SFMBT2: variants seen among roughly 807,000 people sequenced by gnomAD.
SFMBT2 encodes scm-like with four MBT domains protein 2.
In SFMBT2, 38 loss-of-function variants were observed where a neutral mutation model predicts 110.1. The observed-to-expected ratio is 0.35, with a 90% CI of 0.27 to 0.45. The LOEUF (loss-of-function observed/expected upper bound fraction) is 0.45, where lower values mean the gene tolerates loss of function less well. Ranked by LOEUF, SFMBT2 falls within the 20% of genes least tolerant of loss-of-function variation. The probability of loss-of-function intolerance (pLI) is 1.00; values close to 1 mark genes in which losing one functional copy is unlikely to be tolerated. For missense variants in SFMBT2, 1,011 were observed against 1,094.9 expected (o/e 0.92, Z 1.08); for synonymous variants, 425 against 425.4 (o/e 1.00, Z 0.01).
At chr10:7,250,099 GCAAA>G (rs1408792302) in intron 7 of SFMBT2, among the ~76,000 whole-genome samples, 2 of 152,218 alleles carry the variant, frequency 1.3e-5, no homozygotes, top group Non-Finnish European at 2.9e-5. Context: ...TGTTTATGTT[GCAAA>G]CAAAGCCTTT....
At chr10:7,315,068 G>GAAAGAAAGAA (rs1842964448) in intron 4 of SFMBT2, among the ~76,000 whole-genome samples, 1 of 142,032 alleles carries the variant, frequency 7.0e-6, no homozygotes, top group Non-Finnish European at 1.6e-5. Flanking sequence ...AAGAAAGAAA[G>GAAAGAAAGAA]AAAGAAAGAA....
At chr10:7,261,195 T>C (rs1292614670) in intron 7 of SFMBT2, among the ~76,000 whole-genome samples, 1 of 152,226 alleles carries the variant, frequency 6.6e-6, no homozygotes, top group Non-Finnish European at 1.5e-5. Context: ...CTAGAAACGC[T>C]CACCAATTCA....
intron 9 of SFMBT2, among the ~76,000 whole-genome samples, chr10:7,236,340 C>A (rs1840253172): frequency 6.6e-6 from 1 of 151,876 alleles, no homozygotes; most frequent in Non-Finnish European, 1.5e-5. Context: ...CCAAAAATAA[C>A]CAAAAATTTT....
chr10:7,212,539 A>C (rs965558531), intron 11 of SFMBT2, among the ~76,000 whole-genome samples: 6 of 152,196 alleles, frequency 3.9e-5, no homozygotes, highest in Admixed American at 2.6e-4. Context: ...GGCAAATCTT[A>C]AAAGAAAAGT....
At chr10:7,333,711 C>T (rs1240057906) in intron 4 of SFMBT2, among the ~76,000 whole-genome samples, 1 of 151,346 alleles carries the variant, frequency 6.6e-6, no homozygotes, top group Non-Finnish European at 1.5e-5. Context: ...CCTACACGGC[C>T]TCCCCGCTTT....
intron 20 of SFMBT2, among the ~76,000 whole-genome samples, chr10:7,167,425 G>C (rs913665357): frequency 3.9e-5 from 6 of 152,182 alleles, no homozygotes; most frequent in African/African-American, 1.4e-4. Flanking sequence ...TGGTCATGGG[G>C]AGTTCAGAAT....
intron 6 of SFMBT2, among the ~76,000 whole-genome samples, chr10:7,278,044 C>T (rs918574394): frequency 6.6e-6 from 1 of 152,192 alleles, no homozygotes; most frequent in African/African-American, 2.4e-5. Context: ...GTGCACTGCC[C>T]GAAGTCATTG....
chr10:7,378,060 A>C (rs991627206), intron 2 of SFMBT2, among the ~76,000 whole-genome samples: 4 of 142,464 alleles, frequency 2.8e-5, no homozygotes, highest in African/African-American at 1.1e-4. Flanking sequence ...GATGGATGTG[A>C]GTGTGTGTGT....
At chr10:7,214,576 C>T in intron 11 of SFMBT2, 1 of 985,464 alleles carries the variant, frequency 1.0e-6, no homozygotes, top group Non-Finnish European at 1.2e-6. Context: ...CTTATGGGAT[C>T]CCCATACTGC....
At position 7,164,746 on chromosome 10, in the gene SFMBT2, A is replaced by AACAC. The variant is rs58744416; in HGVS notation, c.2545-840_2545-837dup. Among the ~76,000 whole-genome samples, 502 of 137,824 alleles carry AACAC rather than the reference A, an allele frequency of 3.6e-3. 2 individuals are homozygous for AACAC. The highest frequency in any genetic ancestry group is 4.6e-3 in the Non-Finnish European group (292 of 63,550). 90.4% of individuals were successfully genotyped at this position (137,824 alleles called of 152,430 possible). The stretch of plus-strand genomic sequence containing the variant: ...GACAGCACAGGTTTCCATAAAGGGA[A>AACAC]ACACACACACACACACACACACACA... On this transcript the variant is annotated intron_variant, in intron 20 of 20. Coordinates refer to ENST00000397167, the MANE Select transcript of SFMBT2 (RefSeq NM_001387889.1).
chr10:7,269,061 C>T (rs954361910), intron 7 of SFMBT2, among the ~76,000 whole-genome samples: 3 of 151,812 alleles, frequency 2.0e-5, no homozygotes, highest in African/African-American at 4.8e-5. Flanking sequence ...AAAAAAAAGT[C>T]ATTATTTATT....
chr10:7,314,263 CCAAA>C (rs1454780759), intron 4 of SFMBT2, among the ~76,000 whole-genome samples: 1 of 152,200 alleles, frequency 6.6e-6, no homozygotes, highest in Admixed American at 6.5e-5. Context: ...AAATGGGACA[CCAAA>C]CAGTTTTAGT....
intron 9 of SFMBT2, among the ~76,000 whole-genome samples, chr10:7,240,613 C>A (rs966104821): frequency 6.6e-6 from 1 of 152,020 alleles, no homozygotes. Context: ...TTCCTGCACT[C>A]TCAACGGCAA....
chr10:7,373,455 A>G (rs1005743888), intron 2 of SFMBT2, among the ~76,000 whole-genome samples: 5 of 152,174 alleles, frequency 3.3e-5, no homozygotes, highest in Non-Finnish European at 5.9e-5. Flanking sequence ...ATTGCCTCAC[A>G]ATCCTCCCAA....
intron 7 of SFMBT2, among the ~76,000 whole-genome samples, chr10:7,265,356 C>T (rs1223547293): frequency 1.3e-5 from 2 of 152,088 alleles, no homozygotes; most frequent in African/African-American, 4.8e-5. Flanking sequence ...CGCATGCCAC[C>T]ACGCCCGACT....
In SFMBT2 at chr10:7,396,111, T is replaced by G. The variant is rs59298395; in HGVS notation, c.-51-14162A>C. 2.8e-3 allele frequency among the ~76,000 whole-genome samples: 431 copies of G among 152,326 alleles called. 1 individual carries two copies. The highest frequency in any genetic ancestry group is 0.01 in the African/African-American group (417 of 41,572). ...TTAACCAGGTGTGGTGGTGGGCACC[T>G]GTAATTCCAGCTACTAGGGAGGCTG... On this transcript the variant is annotated intron_variant, in intron 1 of 20. Transcript: ENST00000397167.
chr10:7,197,997 A>G, intron 14 of SFMBT2: 1 of 985,454 alleles, frequency 1.0e-6, no homozygotes. Flanking sequence ...ATAGCAGGAC[A>G]TTTTATATCC....
At chr10:7,246,392 C>CTATTTAAAGGCATAAGAGT (rs1840611631) in intron 8 of SFMBT2, among the ~76,000 whole-genome samples, 1 of 152,086 alleles carries the variant, frequency 6.6e-6, no homozygotes, top group Non-Finnish European at 1.5e-5. Context: ...CATATTACAA[C>CTATTTAAAGGCATAAGAGT]TATTTAAAGG....
chr10:7,240,157 C>T (rs1464293222), intron 9 of SFMBT2, among the ~76,000 whole-genome samples: 1 of 152,154 alleles, frequency 6.6e-6, no homozygotes, highest in Non-Finnish European at 1.5e-5. Flanking sequence ...CATTCCCCAC[C>T]TCTGTCCCTC....
Sources: allele counts gnomAD v4.1 joint callset (sites outside exome capture counted in the v4.1 genomes callset), GRCh38; gene constraint gnomAD v4.1.1; transcripts MANE v1.5; gene names NCBI Gene and HGNC (gene_info 2026-07-23, HGNC 2026-07-21).